Variants in MCMDC2 observed in about 807,000 individuals in gnomAD.
MCMDC2 encodes minichromosome maintenance domain containing 2.
In MCMDC2, 54 loss-of-function variants were observed where a neutral mutation model predicts 75.8. That is an observed-to-expected ratio of 0.71 (90% CI 0.57 to 0.89). The LOEUF is 0.89. Among genes scored for constraint, MCMDC2 ranks in the 40% least tolerant of loss-of-function variants. MCMDC2 has a pLI of 0.00. For missense variants in MCMDC2, 656 were observed against 780.4 expected (o/e 0.84, Z 1.90); for synonymous variants, 249 against 274.6 (o/e 0.91, Z 0.92).
intron 4 of MCMDC2, among the ~76,000 whole-genome samples, chr8:66,876,185 A>T (rs1811275503): frequency 6.6e-6 from 1 of 152,134 alleles, no homozygotes; most frequent in Non-Finnish European, 1.5e-5. Flanking sequence ...TCATTAGGAG[A>T]TGCAAAACTG....
chr8:66,881,208 A>T (rs1193818378), intron 8 of MCMDC2, among the ~76,000 whole-genome samples: 1 of 152,226 alleles, frequency 6.6e-6, no homozygotes, highest in African/African-American at 2.4e-5. Context: ...ATAAAACAGG[A>T]TAATGTTGTG....
downstream of MCMDC2, among the ~76,000 whole-genome samples, chr8:66,923,972 C>G (rs557585141): frequency 9.9e-5 from 15 of 151,970 alleles, no homozygotes; most frequent in Non-Finnish European, 1.9e-4. Context: ...GCACAAAATT[C>G]CAAATGGTGG....
intron 14 of MCMDC2, among the ~76,000 whole-genome samples, chr8:66,915,348 A>C (rs1411093561): frequency 6.6e-6 from 1 of 151,664 alleles, no homozygotes; most frequent in African/African-American, 2.4e-5. Context: ...ACTACTCGGG[A>C]GCCTGAGGCA....
chr8:66,892,520 G>A (rs910325893), intron 10 of MCMDC2, among the ~76,000 whole-genome samples: 1 of 152,354 alleles, frequency 6.6e-6, no homozygotes, highest in South Asian at 2.1e-4. Flanking sequence ...GAGACCTGAA[G>A]TGGGTAGCTC....
At chr8:66,889,152 C>T (rs563263827) in intron 9 of MCMDC2, among the ~76,000 whole-genome samples, 5 of 152,286 alleles carry the variant, frequency 3.3e-5, no homozygotes, top group Middle Eastern at 3.4e-3. Context: ...TTTTGTATCA[C>T]CCCCTTTTGT....
At chr8:66,901,431 C>T (rs1812655498) in intron 13 of MCMDC2, 83 bp downstream of exon 13, 3 of 1,515,600 alleles carry the variant, frequency 2.0e-6, no homozygotes, top group Non-Finnish European at 2.7e-6. Flanking sequence ...ACCTATTTCA[C>T]TTGTTTCTCT....
chr8:66,873,918 A>G (rs1811146078), intron 1 of MCMDC2, 135 bp from the exon 2 acceptor site: 1 of 383,048 alleles, frequency 2.6e-6, no homozygotes, highest in Admixed American at 4.5e-5. Context: ...GGCAAAAGAA[A>G]ACAAAAGTTT....
At chr8:66,884,118 C>A in intron 9 of MCMDC2, 124 bp downstream of exon 9, 3 of 624,808 alleles carry the variant, frequency 4.8e-6, no homozygotes, top group South Asian at 4.3e-5. Context: ...GTATTTAAAT[C>A]AATCTTTATC....
Position 66,901,292 on chromosome 8 carries a change from A to T in MCMDC2, c.1713A>T (p.Arg571Ser). 2 of 1,614,138 alleles carry T rather than the reference A, an allele frequency of 1.2e-6. No individual in the cohort carries two copies. Among genetic ancestry groups the T allele is most frequent in the Non-Finnish European group, 1.7e-6 (2 of 1,179,982 alleles). The change falls in exon 13 of 15, where the codon AGA (arginine) becomes AGT (serine). Residue 571 changes from arginine (R) to serine (S), a missense_variant. Coordinates refer to ENST00000422365, the MANE Select transcript of MCMDC2 (RefSeq NM_173518.5). ...ATGGCTATTATCTAGCAAGTCGCAG[A>T]ATCAGAACAGGCTCTGTATGTGGAT... The part of the protein sequence containing the change: ...MTHGYYLASR[R>S]IRTGSVCGSK...
At chr8:66,871,156 G>A (rs1810996840) in intron 1 of MCMDC2, among the ~76,000 whole-genome samples, 1 of 151,962 alleles carries the variant, frequency 6.6e-6, no homozygotes, top group African/African-American at 2.4e-5. Flanking sequence ...CCGTGAAAAC[G>A]CGTCCACTCC....
chr8:66,892,294 A>G (rs1812145537), intron 10 of MCMDC2, among the ~76,000 whole-genome samples: 1 of 152,192 alleles, frequency 6.6e-6, no homozygotes, highest in African/African-American at 2.4e-5. Context: ...CTCACAGCTC[A>G]GTGAGCTGGC....
chr8:66,904,102 G>A (rs1655002216), intron 13 of MCMDC2, among the ~76,000 whole-genome samples: 1 of 152,088 alleles, frequency 6.6e-6, no homozygotes, highest in Non-Finnish European at 1.5e-5. Flanking sequence ...AATACTGAGA[G>A]TTGGGGTCAT....
intron 14 of MCMDC2, among the ~76,000 whole-genome samples, chr8:66,914,650 G>A (rs1813237994): frequency 6.6e-6 from 1 of 152,210 alleles, no homozygotes; most frequent in Non-Finnish European, 1.5e-5. Context: ...GAGAACTAAT[G>A]TGTTCAATTA....
At chr8:66,892,411 T>C (rs1253089923) in intron 10 of MCMDC2, among the ~76,000 whole-genome samples, 2 of 152,184 alleles carry the variant, frequency 1.3e-5, no homozygotes, top group Non-Finnish European at 2.9e-5. Flanking sequence ...CCCAAGTTCT[T>C]GTTCCACGTC....
intron 10 of MCMDC2, among the ~76,000 whole-genome samples, chr8:66,894,493 C>T (rs1339199341): frequency 6.6e-6 from 1 of 152,146 alleles, no homozygotes; most frequent in African/African-American, 2.4e-5. Flanking sequence ...GAAATGTATG[C>T]ATATCAAGAA....
At chr8:66,879,572 G>A (rs1292246277) in intron 7 of MCMDC2, among the ~76,000 whole-genome samples, 2 of 152,288 alleles carry the variant, frequency 1.3e-5, no homozygotes, top group South Asian at 4.1e-4. Context: ...AAGCCTGGGT[G>A]ACAGAATGGG....
At chr8:66,902,165 T>C (rs182839066) in intron 13 of MCMDC2, among the ~76,000 whole-genome samples, 1 of 151,176 alleles carries the variant, frequency 6.6e-6, no homozygotes, top group East Asian at 2.0e-4. Flanking sequence ...CTCATCTGTA[T>C]TTAAAACAAA....
At chr8:66,888,343 A>G (rs756253583) in intron 9 of MCMDC2, among the ~76,000 whole-genome samples, 3 of 152,198 alleles carry the variant, frequency 2.0e-5, no homozygotes, top group African/African-American at 7.2e-5. Context: ...CGGCCTCTCA[A>G]AGTGCTGGGA....
chr8:66,892,660 G>A (rs1050618663), intron 10 of MCMDC2, among the ~76,000 whole-genome samples: 3 of 152,144 alleles, frequency 2.0e-5, no homozygotes, highest in Admixed American at 2.0e-4. Context: ...CATCTGATTG[G>A]CTGAAAGGCA....
Sources: gnomAD v4.1 joint callset for allele counts (sites outside exome capture counted in the v4.1 genomes callset) on GRCh38, gnomAD v4.1.1 for gene constraint, MANE v1.5 for transcripts, NCBI Gene and HGNC (gene_info 2026-07-23, HGNC 2026-07-21) for gene names.